Variants in CYTH3 observed in about 807,000 individuals in gnomAD.
CYTH3 encodes cytohesin-3.
A neutral mutation model predicts 55.1 loss-of-function variants in CYTH3; 23 were observed. The ratio of observed to expected loss-of-function variants is 0.42; its 90% CI spans 0.30 to 0.59. The LOEUF (loss-of-function observed/expected upper bound fraction) is 0.59. CYTH3 is among the 20% of genes least tolerant of loss of function. The probability of loss-of-function intolerance (pLI) is 0.20; values close to 1 mark genes in which losing one functional copy is unlikely to be tolerated. For synonymous variants in CYTH3, 249 were observed against 194.9 expected, an observed-to-expected ratio of 1.28 and a Z score of -2.31; for missense variants, 413 against 524.8, an observed-to-expected ratio of 0.79 and a Z score of 2.08.
At chr7:6,184,931 T>G (rs1055870549) in intron 4 of CYTH3, among the ~76,000 whole-genome samples, 1 of 152,168 alleles carries the variant, frequency 6.6e-6, no homozygotes, top group Non-Finnish European at 1.5e-5. Flanking sequence ...TTCATGAGAT[T>G]AGAATTTATC....
chr7:6,164,729 T>C lies in CYTH3; in HGVS notation c.*215A>G. The C allele has an allele frequency of 1.5e-6, 1 of 645,238 alleles. No individual in the cohort carries two copies. Among genetic ancestry groups the C allele is most frequent in the East Asian group, 2.6e-5 (1 of 38,544 alleles). 40.0% of individuals were successfully genotyped at this position (645,238 alleles called of 1,614,324 possible). On this transcript the variant is annotated 3_prime_UTR_variant, in exon 13 of 13. Coordinates refer to ENST00000350796, the MANE Select transcript of CYTH3 (RefSeq NM_004227.4). Reference sequence around the variant, plus strand: ...AGGATCAGTCTGGGCCACGGTACGCTCTGGAGCAGCAGCTTGCACTGCAGG... The same window carrying C: ...AGGATCAGTCTGGGCCACGGTACGCCCTGGAGCAGCAGCTTGCACTGCAGG...
At chr7:6,215,251 AG>A (rs1278112805) in intron 1 of CYTH3, among the ~76,000 whole-genome samples, 9 of 152,242 alleles carry the variant, frequency 5.9e-5, no homozygotes, top group Admixed American at 3.9e-4. Flanking sequence ...TCCACGGTTC[AG>A]GGGCACTTGA....
At chr7:6,178,198 C>G (rs1467437020) in intron 4 of CYTH3, among the ~76,000 whole-genome samples, 1 of 152,246 alleles carries the variant, frequency 6.6e-6, no homozygotes, top group Non-Finnish European at 1.5e-5. Context: ...CAAACCATTA[C>G]AGGTGGTTAT....
Position 6,169,280 on chromosome 7 carries a change from GCA to G in CYTH3, c.823+1253_823+1254del, listed in dbSNP as rs1214653745. ...CTGTCGCCGAGGTGGGAGAGCAGTG[GCA>G]CAGTCATGGTTCATTGGAGCCTCAA... On this transcript the variant is annotated intron_variant, in intron 9 of 12. Coordinates refer to ENST00000350796, the MANE Select transcript of CYTH3 (RefSeq NM_004227.4). This position sits in a 1 kb window ranked among gnomAD's most constrained non-coding sequence, Gnocchi z 4.1. Among the ~76,000 whole-genome samples the G allele has an allele frequency of 6.6e-6, 1 of 152,160 alleles. No individual in the cohort carries two copies. The highest frequency in any genetic ancestry group is 1.5e-5 in the Non-Finnish European group (1 of 68,024).
chr7:6,233,965 G>T (rs1779454542), intron 1 of CYTH3, among the ~76,000 whole-genome samples: 1 of 152,212 alleles, frequency 6.6e-6, no homozygotes, highest in Non-Finnish European at 1.5e-5. Context: ...AGCTGTCTGA[G>T]GCCTCTTGTA....
intron 5 of CYTH3, among the ~76,000 whole-genome samples, chr7:6,175,901 G>C (rs1271099368): frequency 3.9e-5 from 6 of 152,050 alleles, no homozygotes; most frequent in African/African-American, 1.2e-4. Context: ...TTTTTAGACT[G>C]CTGTGGTTAT....
chr7:6,207,032 T>G (rs905819629), intron 1 of CYTH3, among the ~76,000 whole-genome samples: 1 of 150,798 alleles, frequency 6.6e-6, no homozygotes, highest in African/African-American at 2.4e-5. Flanking sequence ...CTACAAACTT[T>G]AAGATGCCAT....
chr7:6,252,157 C>T (rs562548266), intron 1 of CYTH3, among the ~76,000 whole-genome samples: 1 of 152,258 alleles, frequency 6.6e-6, no homozygotes, highest in Admixed American at 6.5e-5. Context: ...AATTTATTTG[C>T]TGTATGGTAA....
Position 6,255,764 on chromosome 7 carries a change from T to G in CYTH3, c.34+16710A>C, listed in dbSNP as rs981426263. Among the ~76,000 whole-genome samples the G allele has an allele frequency of 2.1e-4, 30 of 142,094 alleles. No homozygotes were observed. In the East Asian group the frequency reaches 3.2e-3, roughly 15 times the overall value. The allele number at this position is 142,094 out of a possible 152,430, so 93.2% of individuals were successfully genotyped here. ...CAAGTTTGACCTTTAATCTGTTTTT[T>G]TTTTTTTTTTTTTTTTTGAGATGGA... On this transcript the variant is annotated intron_variant, in intron 1 of 12. Transcript: ENST00000350796.
chr7:6,251,339 T>A (rs1337937187), intron 1 of CYTH3, among the ~76,000 whole-genome samples: 3 of 151,758 alleles, frequency 2.0e-5, no homozygotes, highest in Non-Finnish European at 2.9e-5. Flanking sequence ...TTTTTTTTTT[T>A]TTTCTTTAAA....
chr7:6,260,881 G>A (rs557480515), intron 1 of CYTH3, among the ~76,000 whole-genome samples: 4 of 152,142 alleles, frequency 2.6e-5, no homozygotes, highest in Non-Finnish European at 5.9e-5. Flanking sequence ...CTGAGCAGCA[G>A]ACTGACACAG....
chr7:6,164,690 G>T lies in CYTH3; in HGVS notation c.*254C>A, dbSNP rs533030316. ...CGCAGCCGACCATGACCCCAGCCAC[G>T]GCAGGAGGCCTCGAGGATCAGTCTG... On this transcript the variant is annotated 3_prime_UTR_variant, in exon 13 of 13. Transcript: ENST00000350796. The T allele has an allele frequency of 3.7e-6, 2 of 546,500 alleles. No homozygotes were observed. Among genetic ancestry groups the T allele is most frequent in the East Asian group, 3.2e-5 (1 of 31,452 alleles). The allele number at this position is 546,500 out of a possible 1,614,324, so 33.9% of individuals were successfully genotyped here.
intron 1 of CYTH3, among the ~76,000 whole-genome samples, chr7:6,230,795 C>T (rs1779373791): frequency 6.6e-6 from 1 of 152,008 alleles, no homozygotes; most frequent in Non-Finnish European, 1.5e-5. Context: ...CATAAAATCC[C>T]GTATTTTGAA....
chr7:6,246,230 TA>T (rs899413322), intron 1 of CYTH3, among the ~76,000 whole-genome samples: 3 of 150,180 alleles, frequency 2.0e-5, no homozygotes, highest in African/African-American at 7.5e-5. Flanking sequence ...AACACCTGGA[TA>T]ATTTTTTTTT....
intron 1 of CYTH3, among the ~76,000 whole-genome samples, chr7:6,237,353 AC>A (rs1285235197): frequency 6.6e-6 from 1 of 152,194 alleles, no homozygotes; most frequent in African/African-American, 2.4e-5. Context: ...AATCTACTAC[AC>A]TGACGAAATT....
intron 6 of CYTH3, chr7:6,172,779 A>G: frequency 3.9e-6 from 5 of 1,274,936 alleles, no homozygotes; most frequent in Non-Finnish European, 4.1e-6. Flanking sequence ...ACGCAATCTG[A>G]TAAGCCTGAA....
chr7:6,176,675 T>C (rs1416130905), intron 5 of CYTH3, among the ~76,000 whole-genome samples: 2 of 152,236 alleles, frequency 1.3e-5, no homozygotes, highest in Non-Finnish European at 1.5e-5. Context: ...CATCTGCAAA[T>C]AGAATTTAAT....
At chr7:6,201,005 C>G (rs574660289) in intron 1 of CYTH3, among the ~76,000 whole-genome samples, 3 of 152,338 alleles carry the variant, frequency 2.0e-5, no homozygotes, top group South Asian at 2.1e-4. Flanking sequence ...AAGTAATCCT[C>G]TACTTCGGCC....
chr7:6,179,043 G>T (rs990138722), intron 4 of CYTH3, among the ~76,000 whole-genome samples: 5 of 152,178 alleles, frequency 3.3e-5, no homozygotes, highest in African/African-American at 9.7e-5. Flanking sequence ...CAAGACCAGG[G>T]CTGCCTCATA....
Sources: gnomAD v4.1 joint callset for allele counts (sites outside exome capture counted in the v4.1 genomes callset) on GRCh38, gnomAD v4.1.1 for gene constraint, Gnocchi (gnomAD v3.1) non-coding constraint, MANE v1.5 for transcripts, NCBI Gene and HGNC (gene_info 2026-07-23, HGNC 2026-07-21) for gene names.